Variants in PSD3 observed in about 807,000 individuals in gnomAD.
PSD3 encodes pleckstrin and Sec7 domain containing 3, also known as PH and SEC7 domain-containing protein 3.
In PSD3, 49 loss-of-function variants were observed where a neutral mutation model predicts 105.5. That is an observed-to-expected ratio of 0.46 (90% CI 0.37 to 0.59). The LOEUF (loss-of-function observed/expected upper bound fraction) is 0.59, where lower values mean the gene tolerates loss of function less well. Among genes scored for constraint, PSD3 ranks in the 20% least tolerant of loss-of-function variants. The pLI is 0.00. For synonymous variants in PSD3, 557 were observed against 457.8 expected, an observed-to-expected ratio of 1.22 and a Z score of -2.77; for missense variants, 1,561 against 1,263.8, an observed-to-expected ratio of 1.24 and a Z score of -3.57.
At position 18,572,573 on chromosome 8, in the gene PSD3, C is replaced by A. The variant is rs868318608; in HGVS notation, c.2739G>T (p.Lys913Asn). The change falls in exon 14 of 16, where the codon AAG becomes AAT. Residue 913 changes from lysine to asparagine, a missense_variant. Transcript: ENST00000327040. Reference sequence around the variant, plus strand: ...TGGCAGGCAGAAGTGGGCGGCTAAACTTCTTCTGAGAGCCGATTGCTGCTG... The same window carrying A: ...TGGCAGGCAGAAGTGGGCGGCTAAAATTCTTCTGAGAGCCGATTGCTGCTG... ...PFPAAIGSQKKFSRPLLPATT... is the reference protein window; with the variant it reads ...PFPAAIGSQKNFSRPLLPATT... 6.2e-7 allele frequency: 1 copy of A among 1,614,064 alleles called. No homozygotes were observed. Among genetic ancestry groups the A allele is most frequent in the South Asian group, 1.1e-5 (1 of 91,072 alleles).
At chr8:18,593,015 C>T (rs1380941141) in intron 12 of PSD3, among the ~76,000 whole-genome samples, 2 of 152,162 alleles carry the variant, frequency 1.3e-5, no homozygotes, top group Non-Finnish European at 2.9e-5. Flanking sequence ...AAAACCGTAA[C>T]AACCCTAGAA....
intron 9 of PSD3, among the ~76,000 whole-genome samples, chr8:18,707,738 T>C (rs887425404): frequency 6.6e-6 from 1 of 152,158 alleles, no homozygotes; most frequent in African/African-American, 2.4e-5. Context: ...ATTAGAAACA[T>C]AGTAAGCTAG....
intron 8 of PSD3, among the ~76,000 whole-genome samples, chr8:18,780,843 C>T (rs573713333): frequency 1.1e-4 from 16 of 152,238 alleles, no homozygotes; most frequent in South Asian, 8.3e-4. Context: ...CGTGAGCCAC[C>T]GCGCCTGGCC....
At chr8:18,660,654 G>T (rs1809278565) in intron 9 of PSD3, among the ~76,000 whole-genome samples, 1 of 152,148 alleles carries the variant, frequency 6.6e-6, no homozygotes, top group South Asian at 2.1e-4. Context: ...CCCTGTCCTA[G>T]ATCTACCACA....
intron 11 of PSD3, among the ~76,000 whole-genome samples, chr8:18,605,416 T>C (rs530325878): frequency 5.5e-4 from 84 of 152,312 alleles, no homozygotes; most frequent in African/African-American, 1.9e-3. Flanking sequence ...ATGGGAATAT[T>C]TTCCCAATCC....
chr8:18,661,577 A>G (rs1809351266), intron 9 of PSD3, among the ~76,000 whole-genome samples: 1 of 152,170 alleles, frequency 6.6e-6, no homozygotes, highest in East Asian at 1.9e-4. Context: ...ATCTCTCACT[A>G]TAGGAAGCTT....
intron 1 of PSD3, among the ~76,000 whole-genome samples, chr8:19,040,486 G>A (rs1246887615): frequency 6.6e-6 from 1 of 152,188 alleles, no homozygotes; most frequent in African/African-American, 2.4e-5. Flanking sequence ...GATTATAGGC[G>A]TGAGCCACTG....
intron 14 of PSD3, among the ~76,000 whole-genome samples, chr8:18,558,681 C>T (rs892615941): frequency 1.1e-4 from 17 of 151,970 alleles, no homozygotes; most frequent in Admixed American, 9.2e-4. Flanking sequence ...ATTAGCCAGG[C>T]GTGGTAGCAC....
chr8:18,917,760 A>G (rs547730306), intron 2 of PSD3, among the ~76,000 whole-genome samples: 2 of 152,290 alleles, frequency 1.3e-5, no homozygotes, highest in Non-Finnish European at 2.9e-5. Flanking sequence ...ACACATCAGA[A>G]GATGAGAAAA....
intron 15 of PSD3, among the ~76,000 whole-genome samples, chr8:18,541,240 G>C (rs1395431185): frequency 6.7e-6 from 1 of 150,156 alleles, no homozygotes; most frequent in African/African-American, 2.5e-5. Context: ...CTTTGCGTTT[G>C]TTTACTAATA....
At chr8:18,687,077 C>A (rs540089541) in intron 9 of PSD3, among the ~76,000 whole-genome samples, 1 of 152,230 alleles carries the variant, frequency 6.6e-6, no homozygotes, top group African/African-American at 2.4e-5. Flanking sequence ...GGTGAAGAGC[C>A]GGAGCTCAAT....
At chr8:18,693,338 G>A (rs1801074818) in intron 9 of PSD3, among the ~76,000 whole-genome samples, 2 of 152,146 alleles carry the variant, frequency 1.3e-5, no homozygotes, top group African/African-American at 2.4e-5. Context: ...AGCACATAAG[G>A]CGGCAGCAAA....
chr8:18,755,901 G>A (rs781625256), intron 9 of PSD3, among the ~76,000 whole-genome samples: 3 of 152,050 alleles, frequency 2.0e-5, no homozygotes, highest in African/African-American at 4.8e-5. Context: ...TGATGAGCAC[G>A]TGATCGAAAG....
intron 14 of PSD3, among the ~76,000 whole-genome samples, chr8:18,560,953 C>G (rs552211202): frequency 5.3e-4 from 81 of 151,896 alleles, no homozygotes; most frequent in Admixed American, 4.4e-3. Context: ...CCCTTTTTTG[C>G]CCCCGTCTTC....
chr8:18,984,643 T>C (rs1024173008), intron 1 of PSD3, among the ~76,000 whole-genome samples: 3 of 152,232 alleles, frequency 2.0e-5, no homozygotes, highest in Admixed American at 6.5e-5. Context: ...CTTACCAAAT[T>C]GTATTATAAT....
chr8:18,628,949 A>G (rs906412286), intron 11 of PSD3, among the ~76,000 whole-genome samples: 6 of 151,994 alleles, frequency 3.9e-5, no homozygotes, highest in Non-Finnish European at 8.8e-5. Flanking sequence ...AACTATACTA[A>G]TAACTACTAT....
chr8:18,579,657 G>C (rs1369782315), intron 12 of PSD3, among the ~76,000 whole-genome samples: 1 of 152,028 alleles, frequency 6.6e-6, no homozygotes, highest in Non-Finnish European at 1.5e-5. Flanking sequence ...TTGTGAAGTT[G>C]AATCTTAACA....
At chr8:18,769,847 T>C (rs1807344261) in intron 8 of PSD3, among the ~76,000 whole-genome samples, 1 of 152,244 alleles carries the variant, frequency 6.6e-6, no homozygotes, top group African/African-American at 2.4e-5. Flanking sequence ...CATTCCATTG[T>C]ATGGATATAC....
intron 4 of PSD3, among the ~76,000 whole-genome samples, chr8:18,811,751 G>A (rs1811704380): frequency 6.6e-6 from 1 of 152,172 alleles, no homozygotes; most frequent in South Asian, 2.1e-4. Context: ...AAGCCAGAGT[G>A]GCTGGGGCAG....
Sources: allele counts gnomAD v4.1 joint callset (sites outside exome capture counted in the v4.1 genomes callset), GRCh38; gene constraint gnomAD v4.1.1; transcripts MANE v1.5; gene names NCBI Gene and HGNC (gene_info 2026-07-23, HGNC 2026-07-21).